GRIP2: variants seen among roughly 807,000 people sequenced by gnomAD.
GRIP2 encodes glutamate receptor interacting protein 2.
A neutral mutation model predicts 108.3 loss-of-function variants in GRIP2; 58 were observed. The ratio of observed to expected loss-of-function variants is 0.54; its 90% CI spans 0.43 to 0.67. The LOEUF (loss-of-function observed/expected upper bound fraction) is 0.67, where lower values mean the gene tolerates loss of function less well. Among genes scored for constraint, GRIP2 ranks in the 30% least tolerant of loss-of-function variants. GRIP2 has a pLI of 0.00. For missense variants in GRIP2, 1,278 were observed against 1,430.6 expected (o/e 0.89, Z 1.72); for synonymous variants, 586 against 598.2 (o/e 0.98, Z 0.30).
chr3:14,564,560 C>T, the GRIP2 span, among the ~76,000 whole-genome samples: 1 of 152,202 alleles, frequency 6.6e-6, no homozygotes, highest in African/African-American at 2.4e-5. Flanking sequence ...CACAGGCACC[C>T]GGTGGTGTGA....
Position 14,512,647 on chromosome 3 carries a change from A to T in GRIP2, c.1720+130T>A, listed in dbSNP as rs879582983. The T allele has an allele frequency of 1.2e-6, 1 of 804,680 alleles. No individual in the cohort carries two copies. The highest frequency in any genetic ancestry group is 2.0e-6 in the Non-Finnish European group (1 of 508,104). 49.8% of individuals were successfully genotyped at this position (804,680 alleles called of 1,614,324 possible). A position where few individuals can be genotyped will look rare whatever the true frequency, so the allele number is the denominator to read the frequency against. Reference sequence around the variant, plus strand: ...GGTCCACGGAAGCCAGCCTCCCCACACCCCCAAGCCTTTTCCTCGGGCCCC... The same window carrying T: ...GGTCCACGGAAGCCAGCCTCCCCACTCCCCCAAGCCTTTTCCTCGGGCCCC... On this transcript the variant is annotated intron_variant, in intron 14 of 23. Transcript: ENST00000621039. This position sits in a 1 kb window ranked among gnomAD's most constrained non-coding sequence, Gnocchi z 5.1.
chr3:14,577,762 A>AG, the GRIP2 span, among the ~76,000 whole-genome samples: 1 of 152,108 alleles, frequency 6.6e-6, no homozygotes, highest in East Asian at 1.9e-4. Context: ...CATGCACCCT[A>AG]GGTGCATGTG....
chr3:14,592,804 C>T, the GRIP2 span, among the ~76,000 whole-genome samples: 1 of 152,114 alleles, frequency 6.6e-6, no homozygotes, highest in African/African-American at 2.4e-5. Context: ...GCCCCAAAAC[C>T]CCGTGATCCT....
chr3:14,524,249 C>A (rs568618768), intron 4 of GRIP2, 144 bp downstream of exon 4: 4 of 911,434 alleles, frequency 4.4e-6, no homozygotes, highest in African/African-American at 3.4e-5. Context: ...AGCCCCTAGG[C>A]GAGGTATGGA....
At chr3:14,584,576 C>T in the GRIP2 span, among the ~76,000 whole-genome samples, 1 of 152,170 alleles carries the variant, frequency 6.6e-6, no homozygotes, top group Admixed American at 6.5e-5. Flanking sequence ...TTGTAAAACA[C>T]GTGTCCAGTG....
chr3:14,573,673 C>T, the GRIP2 span: 18 of 1,486,092 alleles, frequency 1.2e-5, no homozygotes, highest in Non-Finnish European at 1.5e-5. Context: ...GTGTGGTTCC[C>T]GGGGTTGTTT....
chr3:14,601,485 G>A, the GRIP2 span, among the ~76,000 whole-genome samples: 2 of 152,116 alleles, frequency 1.3e-5, no homozygotes, highest in African/African-American at 4.8e-5. Flanking sequence ...GGAAACCTAG[G>A]CACCCTCTCT....
At chr3:14,533,931 G>A (rs1694771068) in intron 1 of GRIP2, among the ~76,000 whole-genome samples, 1 of 152,212 alleles carries the variant, frequency 6.6e-6, no homozygotes, top group Non-Finnish European at 1.5e-5. Context: ...TGCGCAAAGA[G>A]TCAGTGGGCA....
intron 1 of GRIP2, among the ~76,000 whole-genome samples, chr3:14,530,645 A>T (rs887354090): frequency 6.6e-6 from 1 of 152,190 alleles, no homozygotes; most frequent in African/African-American, 2.4e-5. Context: ...ATTGTTTTTC[A>T]AATTTCATTT....
At chr3:14,503,883 G>A (rs984277497) in intron 20 of GRIP2, 17 of 578,390 alleles carry the variant, frequency 2.9e-5, no homozygotes, top group African/African-American at 7.5e-5. Context: ...AGTTAGGGGC[G>A]ACCAGGACTG....
chr3:14,545,029 G>A (rs1695036359), upstream of GRIP2, among the ~76,000 whole-genome samples: 1 of 152,190 alleles, frequency 6.6e-6, no homozygotes, highest in Non-Finnish European at 1.5e-5. Context: ...CAGACCCACA[G>A]AGCCTGCCAG....
At chr3:14,540,375 C>T (rs373488783), upstream of GRIP2, 14 of 1,611,052 alleles carry the variant, frequency 8.7e-6, no homozygotes, top group Non-Finnish European at 1.1e-5. The surrounding 1 kb of genome is among the most constrained non-coding windows in gnomAD (Gnocchi z 4.1). Context: ...CCCTCCCTCC[C>T]CTCCCCAGGG....
chr3:14,555,228 C>T (rs547772506), intron 1 of GRIP2, among the ~76,000 whole-genome samples: 4 of 152,254 alleles, frequency 2.6e-5, no homozygotes, highest in African/African-American at 9.6e-5. Flanking sequence ...CCTATGTCCC[C>T]CTGTCCCAAC....
the GRIP2 span, among the ~76,000 whole-genome samples, chr3:14,561,472 A>C: frequency 1.3e-5 from 2 of 152,308 alleles, no homozygotes; most frequent in East Asian, 3.9e-4. Flanking sequence ...TCACACAGCC[A>C]CTAAGGTGGC....
Position 14,516,976 on chromosome 3 carries a change from C to G in GRIP2, c.1306+88G>C, listed in dbSNP as rs1180383093. The G allele has an allele frequency of 4.6e-6, 6 of 1,293,124 alleles. No homozygotes were observed. The African/African-American group carries it at 7.7e-5, about 17-fold the overall frequency. 80.1% of individuals were successfully genotyped at this position (1,293,124 alleles called of 1,614,324 possible). A position where few individuals can be genotyped will look rare whatever the true frequency, so the allele number is the denominator to read the frequency against. ...ACACCTGGAGCTCTGCCCAAAATAC[C>G]TCCCCTCGCCCTGACATACACCCTT... is the stretch of plus-strand genomic sequence containing the variant. On this transcript the variant is annotated intron_variant, in intron 11 of 23. Transcript: ENST00000621039.
In GRIP2 at chr3:14,494,878, G is replaced by C. The variant is rs780339587; in HGVS notation, c.2935C>G (p.Arg979Gly). ...HTVRPDGPAH[R>G]GGLQPFDRVL... The stretch of plus-strand genomic sequence containing the variant: ...CTGTCGAAGGGCTGGAGGCCTCCAC[G>C]GTGGGCTGGCCCATCAGGGCGCACA... Residue 979 changes from arginine to glycine, a missense_variant, in exon 23 of 24, where the codon CGT (arginine) becomes GGT (glycine). Physicochemically the swap from Arg to Gly is moderately radical, Grantham distance 125. Coordinates refer to ENST00000621039, the MANE Select transcript of GRIP2 (RefSeq NM_001080423.4). 1.2e-6 allele frequency: 2 copies of C among 1,613,754 alleles called. No homozygotes were observed. Among genetic ancestry groups the C allele is most frequent in the Non-Finnish European group, 8.5e-7 (1 of 1,179,766 alleles).
the GRIP2 span, among the ~76,000 whole-genome samples, chr3:14,602,912 A>AGCGGCCGCGTCTTACCTTCGTCCG: frequency 6.8e-6 from 1 of 146,568 alleles, no homozygotes; most frequent in Non-Finnish European, 1.5e-5. This position sits in a 1 kb window ranked among gnomAD's most constrained non-coding sequence, Gnocchi z 4.7. Context: ...CCGGCCGGGC[A>AGCGGCCGCGTCTTACCTTCGTCCG]GCGGCCGCGT....
chr3:14,501,224 G>A (rs185961542), intron 21 of GRIP2, among the ~76,000 whole-genome samples: 25 of 152,272 alleles, frequency 1.6e-4, no homozygotes, highest in African/African-American at 6.0e-4. Context: ...GGAATTGGAA[G>A]GTACAAGTTT....
At chr3:14,497,451 A>G (rs1010347996) in intron 21 of GRIP2, among the ~76,000 whole-genome samples, 3 of 152,210 alleles carry the variant, frequency 2.0e-5, no homozygotes, top group African/African-American at 7.2e-5. Flanking sequence ...GACAAGGACG[A>G]AGAGGCCCAG....
Sources: gnomAD v4.1 joint callset for allele counts (sites outside exome capture counted in the v4.1 genomes callset) on GRCh38, gnomAD v4.1.1 for gene constraint, Gnocchi (gnomAD v3.1) non-coding constraint, MANE v1.5 for transcripts, NCBI Gene and HGNC (gene_info 2026-07-23, HGNC 2026-07-21) for gene names.